Variants in DOCK2 observed in about 807,000 individuals in gnomAD.
DOCK2 encodes dedicator of cytokinesis 2, also known as dedicator of cytokinesis protein 2.
In DOCK2, 87 loss-of-function variants were observed where a neutral mutation model predicts 248.9. The ratio of observed to expected loss-of-function variants is 0.35; its 90% confidence interval spans 0.29 to 0.42. DOCK2 has a LOEUF of 0.42. Ranked by LOEUF, DOCK2 falls within the 10% of genes least tolerant of loss-of-function variation. The pLI is 1.00. For missense variants in DOCK2, 1,747 were observed against 2,300.2 expected, an observed-to-expected ratio of 0.76 and a Z score of 4.92; for synonymous variants, 805 against 821.6, an observed-to-expected ratio of 0.98 and a Z score of 0.35.
rs73312349 is a variant in DOCK2 at position 170,013,247 on chromosome 5, T to C, written c.3232+4501T>C. Among the ~76,000 whole-genome samples the C allele has an allele frequency of 7.2e-5, 11 of 151,936 alleles. No individual in the cohort carries two copies. The East Asian group carries it at 2.1e-3, about 29-fold the overall frequency. ...GGGAATAAATAGGAAATGGGATTAG[T>C]GTGGCCATCCGTCCATTCATTTACT... is the stretch of plus-strand genomic sequence containing the variant. On this transcript the variant is annotated intron_variant, in intron 32 of 51. Coordinates refer to ENST00000520908, the MANE Select transcript of DOCK2 (RefSeq NM_004946.3).
chr5:169,993,553 G>GTA (rs1428012370), intron 29 of DOCK2, among the ~76,000 whole-genome samples: 2 of 151,582 alleles, frequency 1.3e-5, no homozygotes, highest in Non-Finnish European at 2.9e-5. Flanking sequence ...ATCCATTTGT[G>GTA]TGTGTGTGTG....
chr5:169,919,974 A>G (rs1164845190), intron 27 of DOCK2, among the ~76,000 whole-genome samples: 1 of 152,262 alleles, frequency 6.6e-6, no homozygotes, highest in Non-Finnish European at 1.5e-5. Flanking sequence ...TAATGAACAC[A>G]TACTTTAGTG....
chr5:169,782,163 A>G (rs1466745250), intron 25 of DOCK2, among the ~76,000 whole-genome samples: 1 of 152,146 alleles, frequency 6.6e-6, no homozygotes, highest in Admixed American at 6.5e-5. Context: ...CTTGATAGGT[A>G]GTGGGACCTG....
At chr5:169,670,478 A>G in intron 3 of DOCK2, 64 bp from the exon 4 acceptor site, 3 of 1,491,950 alleles carry the variant, frequency 2.0e-6, no homozygotes, top group African/African-American at 1.4e-5. Flanking sequence ...ACGTAGGGTC[A>G]TTCATTTCTG....
intron 27 of DOCK2, among the ~76,000 whole-genome samples, chr5:169,964,788 G>C (rs1777234340): frequency 6.6e-6 from 1 of 152,222 alleles, no homozygotes; most frequent in African/African-American, 2.4e-5. Flanking sequence ...GTCTTCATTT[G>C]TAAAAGGTGT....
intron 27 of DOCK2, among the ~76,000 whole-genome samples, chr5:169,926,990 T>C (rs1277270879): frequency 2.0e-5 from 3 of 152,240 alleles, no homozygotes; most frequent in African/African-American, 7.2e-5. Context: ...TGGCCAAGGA[T>C]AACATCTCTC....
At chr5:169,801,667 C>T (rs1211009893) in intron 25 of DOCK2, among the ~76,000 whole-genome samples, 3 of 152,136 alleles carry the variant, frequency 2.0e-5, no homozygotes, top group African/African-American at 7.2e-5. Context: ...GATTATAGCC[C>T]ATGACAGTAT....
At chr5:169,789,187 G>T (rs1766173060) in intron 25 of DOCK2, among the ~76,000 whole-genome samples, 1 of 152,118 alleles carries the variant, frequency 6.6e-6, no homozygotes, top group African/African-American at 2.4e-5. Context: ...ACATGATCTT[G>T]TTCTTTTTTA....
chr5:169,934,030 T>A (rs955651886), intron 27 of DOCK2, among the ~76,000 whole-genome samples: 4 of 152,228 alleles, frequency 2.6e-5, no homozygotes, highest in Non-Finnish European at 5.9e-5. Flanking sequence ...GGGCAGAGCA[T>A]GCCAATCTTC....
At chr5:169,982,930 C>A in intron 27 of DOCK2, 138 bp from the exon 28 acceptor site, 1 of 764,132 alleles carries the variant, frequency 1.3e-6, no homozygotes, top group Non-Finnish European at 2.2e-6. Flanking sequence ...TTCGGCACTG[C>A]TATTACAGTC....
intron 25 of DOCK2, among the ~76,000 whole-genome samples, chr5:169,783,949 A>G (rs953711185): frequency 6.6e-6 from 1 of 152,118 alleles, no homozygotes; most frequent in African/African-American, 2.4e-5. Context: ...TGAAATTAGC[A>G]CCCTCTTTTA....
intron 25 of DOCK2, among the ~76,000 whole-genome samples, chr5:169,782,098 C>T (rs906971750): frequency 1.3e-5 from 2 of 152,124 alleles, no homozygotes; most frequent in Non-Finnish European, 2.9e-5. Context: ...AAGTAGGTCC[C>T]AGTTACCTCT....
At chr5:169,727,601 T>C (rs1377273060) in intron 22 of DOCK2, among the ~76,000 whole-genome samples, 1 of 152,172 alleles carries the variant, frequency 6.6e-6, no homozygotes, top group East Asian at 1.9e-4. Flanking sequence ...CCTTTTACTC[T>C]TAGAGAGCAC....
chr5:169,684,851 A>G (rs1276995042), intron 8 of DOCK2, among the ~76,000 whole-genome samples: 1 of 152,106 alleles, frequency 6.6e-6, no homozygotes, highest in Admixed American at 6.5e-5. Context: ...GTCTTGCTGC[A>G]TTGTCCAGTC....
At chr5:170,061,355 C>T (rs903649427) in intron 44 of DOCK2, among the ~76,000 whole-genome samples, 12 of 152,282 alleles carry the variant, frequency 7.9e-5, no homozygotes, top group South Asian at 4.1e-4. Context: ...CACAAATACC[C>T]GAGTTGTCTT....
At chr5:169,723,174 T>C (rs262883) in intron 22 of DOCK2, among the ~76,000 whole-genome samples, 116,592 of 152,036 alleles carry the variant, frequency 0.77, 44,980 homozygotes, top group East Asian at 0.98. Flanking sequence ...CATTTAACCC[T>C]GATCTCCTGC....
intron 44 of DOCK2, among the ~76,000 whole-genome samples, chr5:170,061,439 A>G (rs1180361247): frequency 6.6e-6 from 1 of 152,228 alleles, no homozygotes; most frequent in African/African-American, 2.4e-5. Flanking sequence ...CATGGGTGTA[A>G]TGTGGCCAGC....
rs370529585 is a variant in DOCK2 at position 169,840,815 on chromosome 5, G to A, written c.2762G>A (p.Arg921Gln). The change falls in exon 27 of 52, where the codon CGG becomes CAG. Residue 921 changes from arginine to glutamine, a missense_variant. Physicochemically the swap from Arg to Gln is conservative, Grantham distance 43. Transcript: ENST00000520908. Reference sequence around the variant, plus strand: ...GTCCAGCTGCTGCGGACAGTGAACCGGACAGTCATCACCATGGGCCGGGAT... The same window carrying A: ...GTCCAGCTGCTGCGGACAGTGAACCAGACAGTCATCACCATGGGCCGGGAT... The part of the protein sequence containing the change: ...IMVQLLRTVN[R>Q]TVITMGRDHI... The A allele has an allele frequency of 1.2e-5, 20 of 1,613,854 alleles. No homozygotes were observed. Among genetic ancestry groups the A allele is most frequent in the East Asian group, 6.7e-5 (3 of 44,864 alleles).
intron 8 of DOCK2, among the ~76,000 whole-genome samples, chr5:169,688,890 G>A (rs181343947): frequency 1.5e-4 from 23 of 152,248 alleles, no homozygotes; most frequent in African/African-American, 5.5e-4. Context: ...TATTCTTAAT[G>A]TCCAATAAAA....
Sources: allele counts gnomAD v4.1 joint callset (sites outside exome capture counted in the v4.1 genomes callset), GRCh38; gene constraint gnomAD v4.1.1; transcripts MANE v1.5; gene names NCBI Gene and HGNC (gene_info 2026-07-23, HGNC 2026-07-21).